The following PERCC1 variants were observed in gnomAD, a reference collection of about 807,000 sequenced individuals.
PERCC1 encodes proline and glutamate rich with coiled coil 1, also known as protein PERCC1.
chr16:1,433,515 C>A lies in PERCC1; in HGVS notation c.*118C>A. 2 of 397,928 alleles carry A rather than the reference C, an allele frequency of 5.0e-6. No homozygotes were observed. The highest frequency in any genetic ancestry group is 8.8e-6 in the Non-Finnish European group (2 of 226,206). 24.6% of individuals were successfully genotyped at this position (397,928 alleles called of 1,614,324 possible). On this transcript the variant is annotated 3_prime_UTR_variant, in exon 2 of 2. Transcript: ENST00000640283. Reference sequence around the variant, plus strand: ...TCCCTCGCGGCCACCACAGGGCAAACCCAGAGGTCACCAGGGCTGGGCTGC... The same window carrying A: ...TCCCTCGCGGCCACCACAGGGCAAAACCAGAGGTCACCAGGGCTGGGCTGC...
intron 1 of PERCC1, 83 bp from the exon 2 acceptor site, chr16:1,432,464 G>A (rs993414709): frequency 2.5e-5 from 10 of 397,652 alleles, no homozygotes; most frequent in Non-Finnish European, 4.4e-5. Flanking sequence ...CCACAGATGT[G>A]TGAGATCCGA....
Position 1,434,353 on chromosome 16 carries a change from G to A in PERCC1, c.*956G>A, listed in dbSNP as rs1306862303. The A allele has an allele frequency of 1.3e-6, 2 of 1,528,060 alleles. No individual in the cohort carries two copies. Among genetic ancestry groups the A allele is most frequent in the Non-Finnish European group, 1.8e-6 (2 of 1,132,450 alleles). 94.7% of individuals were successfully genotyped at this position (1,528,060 alleles called of 1,614,324 possible). On this transcript the variant is annotated 3_prime_UTR_variant, in exon 2 of 2. Coordinates refer to ENST00000640283, the MANE Select transcript of PERCC1 (RefSeq NM_001365310.2). ...CAGCCCCACAGGCCCTGGGTAGGCT[G>A]TCTCCCAGCACACATCAGGGAACCT...
In PERCC1 at chr16:1,432,673, C is replaced by G; in HGVS notation, c.80C>G (p.Pro27Arg). 1 of 400,590 alleles carries G rather than the reference C, an allele frequency of 2.5e-6. No individual in the cohort carries two copies. 24.8% of individuals were successfully genotyped at this position (400,590 alleles called of 1,614,324 possible). A position where few individuals can be genotyped will look rare whatever the true frequency, so the allele number is the denominator to read the frequency against. The change falls in exon 2 of 2, where the codon CCG (proline) becomes CGG (arginine). Residue 27 changes from proline to arginine, a missense_variant. Pro to Arg is a moderately radical substitution (Grantham distance 103). Transcript: ENST00000640283. ...LRHHPFLPSDPEPPETSEEEE... is the reference protein window; with the variant it reads ...LRHHPFLPSDREPPETSEEEE... ...CACCACCCCTTCCTGCCCTCAGATCCGGAGCCCCCAGAGACTTCGGAGGAG... is the reference window on the plus strand; with the variant it reads ...CACCACCCCTTCCTGCCCTCAGATCGGGAGCCCCCAGAGACTTCGGAGGAG...
Position 1,434,060 on chromosome 16 carries a change from AC to A in PERCC1, c.*666del, listed in dbSNP as rs201098572. On this transcript the variant is annotated 3_prime_UTR_variant, in exon 2 of 2. Transcript: ENST00000640283. The stretch of plus-strand genomic sequence containing the variant: ...GGGGCTTCCCCGGGTCCTCCTCACA[AC>A]CCGGGCAGGGGCAGCTCACAGCGGG... Among the ~76,000 whole-genome samples, 71 of 69,378 alleles carry A rather than the reference AC, an allele frequency of 1.0e-3. 1 individual carries two copies. Among genetic ancestry groups the A allele is most frequent in the Non-Finnish European group, 1.5e-3 (58 of 38,858 alleles). 45.5% of individuals were successfully genotyped at this position (69,378 alleles called of 152,430 possible).
rs990868600 is a variant in PERCC1, at chr16:1,433,739, C to T, written c.*342C>T. ...GAGATTCCAGGTGAGCAGCAAGGGG[C>T]GGTGGAGGACAGAGCCCCCCGAGCC... On this transcript the variant is annotated 3_prime_UTR_variant, in exon 2 of 2. Coordinates refer to ENST00000640283, the MANE Select transcript of PERCC1 (RefSeq NM_001365310.2). Among the ~76,000 whole-genome samples the T allele has an allele frequency of 2.6e-5, 4 of 152,184 alleles. No homozygotes were observed. The highest frequency in any genetic ancestry group is 4.1e-4 in the South Asian group (2 of 4,834).
chr16:1,434,306 C>T lies in PERCC1; in HGVS notation c.*909C>T. The stretch of plus-strand genomic sequence containing the variant: ...CCTCCAAGCTTGGGCACCCCCGCTG[C>T]CAGGGACCTCGCCACCCCGCTCAGC... On this transcript the variant is annotated 3_prime_UTR_variant, in exon 2 of 2. Coordinates refer to ENST00000640283, the MANE Select transcript of PERCC1 (RefSeq NM_001365310.2). The T allele has an allele frequency of 2.8e-6, 4 of 1,412,208 alleles. No individual in the cohort carries two copies. Among genetic ancestry groups the T allele is most frequent in the Non-Finnish European group, 3.8e-6 (4 of 1,053,402 alleles). 87.5% of individuals were successfully genotyped at this position (1,412,208 alleles called of 1,614,324 possible). A position where few individuals can be genotyped will look rare whatever the true frequency, so the allele number is the denominator to read the frequency against.
Position 1,434,324 on chromosome 16 carries a change from C to G in PERCC1, c.*927C>G, listed in dbSNP as rs115810228. 5.6e-4 allele frequency: 824 copies of G among 1,483,386 alleles called. 9 individuals carry two copies. The South Asian group carries it at 0.01, about 18-fold the overall frequency. 91.9% of individuals were successfully genotyped at this position (1,483,386 alleles called of 1,614,324 possible). ...CCCGCTGCCAGGGACCTCGCCACCC[C>G]GCTCAGCCCCACAGGCCCTGGGTAG... On this transcript the variant is annotated 3_prime_UTR_variant, in exon 2 of 2. Coordinates refer to ENST00000640283, the MANE Select transcript of PERCC1 (RefSeq NM_001365310.2).
At position 1,434,410 on chromosome 16, in the gene PERCC1, A is replaced by AT. The variant is rs2038478831; in HGVS notation, c.*1016dup. 2 of 1,550,160 alleles carry AT rather than the reference A, an allele frequency of 1.3e-6. No individual in the cohort carries two copies. The highest frequency in any genetic ancestry group is 2.7e-5 in the African/African-American group (2 of 73,040). ...TAATGAGTACAAAGCCAGCACGTTT[A>AT]TTTCTGGATAAACAGTGAGGGTGTG... is the stretch of plus-strand genomic sequence containing the variant. On this transcript the variant is annotated 3_prime_UTR_variant, in exon 2 of 2. Transcript: ENST00000640283.
intron 1 of PERCC1, 119 bp from the exon 2 acceptor site, chr16:1,432,428 G>C (rs938437657): frequency 1.0e-5 from 4 of 397,376 alleles, no homozygotes; most frequent in Non-Finnish European, 1.8e-5. Context: ...GGGCACCCAG[G>C]AGCGGAGGAA....
In PERCC1 at chr16:1,432,578, C is replaced by T. The variant is rs1473218965; in HGVS notation, c.-16C>T. ...CCTGCTGCCCCGGAGGCCCCAGAAG[C>T]GTGGGACGCGCGGAGATGGCCGCCG... On this transcript the variant is annotated 5_prime_UTR_variant, in exon 2 of 2. Transcript: ENST00000640283. 1.3e-5 allele frequency: 5 copies of T among 398,780 alleles called. No homozygotes were observed. Among genetic ancestry groups the T allele is most frequent in the East Asian group, 3.6e-5 (1 of 28,100 alleles). The allele number at this position is 398,780 out of a possible 1,614,324, so 24.7% of individuals were successfully genotyped here.
intron 1 of PERCC1, among the ~76,000 whole-genome samples, chr16:1,432,346 G>A (rs993254601): frequency 4.6e-5 from 7 of 152,138 alleles, no homozygotes; most frequent in African/African-American, 1.7e-4. Context: ...ACGGCCATGC[G>A]GCCACAGTGC....
At position 1,433,843 on chromosome 16, in the gene PERCC1, CCGGCAGCAGACGGCAGGGCCGG is replaced by C. The variant is rs1368218527; in HGVS notation, c.*449_*470del. ...AACCTGTGGCCCCTCCCCTGAGCCCCCGGCAGCAGACGGCAGGGCCGGCGACCGCGGGATGAGCGAGGGCTTT... is the reference window on the plus strand; with the variant it reads ...AACCTGTGGCCCCTCCCCTGAGCCCCCGACCGCGGGATGAGCGAGGGCTTT... On this transcript the variant is annotated 3_prime_UTR_variant, in exon 2 of 2. Transcript: ENST00000640283. Among the ~76,000 whole-genome samples, 2 of 152,258 alleles carry C rather than the reference CCGGCAGCAGACGGCAGGGCCGG, an allele frequency of 1.3e-5. No homozygotes were observed. Among genetic ancestry groups the C allele is most frequent in the African/African-American group, 4.8e-5 (2 of 41,474 alleles).
In PERCC1 at chr16:1,434,250, G is replaced by C. The variant is rs932709136; in HGVS notation, c.*853G>C. The C allele has an allele frequency of 8.5e-6, 7 of 824,150 alleles. No homozygotes were observed. The African/African-American group carries it at 1.2e-4, about 14-fold the overall frequency. 51.1% of individuals were successfully genotyped at this position (824,150 alleles called of 1,614,324 possible). ...AGCCGGGCTGGGTTTGGGCAGGACAGGAAGAGTCATGGGGGTCAAGAGACT... is the reference window on the plus strand; with the variant it reads ...AGCCGGGCTGGGTTTGGGCAGGACACGAAGAGTCATGGGGGTCAAGAGACT... On this transcript the variant is annotated 3_prime_UTR_variant, in exon 2 of 2. Coordinates refer to ENST00000640283, the MANE Select transcript of PERCC1 (RefSeq NM_001365310.2).
chr16:1,431,734 G>A (rs1350607295), intron 1 of PERCC1, among the ~76,000 whole-genome samples: 1 of 152,060 alleles, frequency 6.6e-6, no homozygotes, highest in Non-Finnish European at 1.5e-5. Context: ...CTGGCCCAGA[G>A]GAGAGCTGCA....
rs2038475866 is a variant in PERCC1 at position 1,434,175 on chromosome 16, G to C, written c.*778G>C. 6.6e-6 allele frequency among the ~76,000 whole-genome samples: 1 copy of C among 152,226 alleles called. No homozygotes were observed. The highest frequency in any genetic ancestry group is 6.5e-5 in the Admixed American group (1 of 15,290). On this transcript the variant is annotated 3_prime_UTR_variant, in exon 2 of 2. Transcript: ENST00000640283. ...GGGCTCTGGCAGCCCTAGGGGGCCT[G>C]GCAGGGAAGGAGAGAGGCTGCTAAA...
rs892032792 is a variant in PERCC1 at position 1,434,308 on chromosome 16, A to C, written c.*911A>C. On this transcript the variant is annotated 3_prime_UTR_variant, in exon 2 of 2. Transcript: ENST00000640283. ...TCCAAGCTTGGGCACCCCCGCTGCC[A>C]GGGACCTCGCCACCCCGCTCAGCCC... The C allele has an allele frequency of 9.2e-6, 13 of 1,417,814 alleles. No individual in the cohort carries two copies. The highest frequency in any genetic ancestry group is 2.2e-4 in the Middle Eastern group (1 of 4,508). 87.8% of individuals were successfully genotyped at this position (1,417,814 alleles called of 1,614,324 possible). A position where few individuals can be genotyped will look rare whatever the true frequency, so the allele number is the denominator to read the frequency against.
chr16:1,431,906 C>A (rs574781806), intron 1 of PERCC1, among the ~76,000 whole-genome samples: 99 of 152,260 alleles, frequency 6.5e-4, no homozygotes, highest in African/African-American at 2.1e-3. Context: ...TAGTTAGGAC[C>A]ACTGGGGTGC....
At chr16:1,431,493 G>A (rs971311210) in intron 1 of PERCC1, among the ~76,000 whole-genome samples, 27 of 151,988 alleles carry the variant, frequency 1.8e-4, no homozygotes, top group African/African-American at 5.8e-4. Flanking sequence ...TCCCAGAGCC[G>A]TGGATGCTCC....
Position 1,432,708 on chromosome 16 carries a change from GA to G in PERCC1, c.116del (p.Glu39GlyfsTer158), listed in dbSNP as rs2038459856. Reference sequence around the variant, plus strand: ...AGAGACTTCGGAGGAGGAAGAGGAGGAGGAGGAGGAGGAGGAGGAGGAGGAG... The same window carrying G: ...AGAGACTTCGGAGGAGGAAGAGGAGGGGAGGAGGAGGAGGAGGAGGAGGAG... ...PPETSEEEEE[E>X]EEEEEEEEGE... On this transcript the variant is annotated frameshift_variant, in exon 2 of 2. Coordinates refer to ENST00000640283, the MANE Select transcript of PERCC1 (RefSeq NM_001365310.2). LOFTEE classifies it low-confidence loss of function (END_TRUNC). 2 of 346,500 alleles carry G rather than the reference GA, an allele frequency of 5.8e-6. No individual in the cohort carries two copies. Among genetic ancestry groups the G allele is most frequent in the Non-Finnish European group, 1.0e-5 (2 of 195,892 alleles). The allele number at this position is 346,500 out of a possible 1,614,324, so 21.5% of individuals were successfully genotyped here.
Sources: gnomAD v4.1 joint callset for allele counts (sites outside exome capture counted in the v4.1 genomes callset) on GRCh38, gnomAD v4.1.1 for gene constraint, MANE v1.5 for transcripts, NCBI Gene and HGNC (gene_info 2026-07-23, HGNC 2026-07-21) for gene names.